The following MKLN1 variants were observed in gnomAD, a reference collection of about 807,000 sequenced individuals.
The protein encoded by MKLN1 is muskelin.
Under a neutral mutation model 99.0 loss-of-function variants are expected in MKLN1, and 18 were observed. The ratio of observed to expected loss-of-function variants is 0.18; its 90% CI spans 0.13 to 0.27. MKLN1 has a LOEUF of 0.27. Ranked by LOEUF, MKLN1 falls within the 10% of genes least tolerant of loss-of-function variation. MKLN1 has a pLI of 1.00. For synonymous variants in MKLN1, 288 were observed against 293.2 expected (o/e 0.98, Z 0.18); for missense variants, 621 against 875.9 (o/e 0.71, Z 3.67).
intron 8 of MKLN1, 24 bp from the exon 9 acceptor site, chr7:131,429,009 C>A: frequency 6.5e-7 from 1 of 1,549,060 alleles, no homozygotes; most frequent in Non-Finnish European, 8.9e-7. Flanking sequence ...TTTTTTTTTA[C>A]ACATATTTTT....
At chr7:131,356,714 A>G (rs1030710245) in intron 1 of MKLN1, among the ~76,000 whole-genome samples, 1 of 152,204 alleles carries the variant, frequency 6.6e-6, no homozygotes, top group Non-Finnish European at 1.5e-5. Flanking sequence ...TTGAAAGGAC[A>G]GTATTCTTCA....
At chr7:131,182,259 T>G (rs1001427762) in intron 2 of MKLN1, among the ~76,000 whole-genome samples, 6 of 152,210 alleles carry the variant, frequency 3.9e-5, no homozygotes, top group Non-Finnish European at 8.8e-5. Flanking sequence ...CACTGTATGA[T>G]TGAATTTGGG....
At chr7:131,473,898 C>T (rs893570413) in intron 16 of MKLN1, among the ~76,000 whole-genome samples, 1 of 152,182 alleles carries the variant, frequency 6.6e-6, no homozygotes. Context: ...CCTGTAATCC[C>T]CGCACTTCAG....
chr7:131,128,400 A>C (rs931720019), intron 1 of MKLN1, among the ~76,000 whole-genome samples: 1 of 152,122 alleles, frequency 6.6e-6, no homozygotes, highest in Non-Finnish European at 1.5e-5. Context: ...GCAAAAAAGC[A>C]ATGGTTTATG....
chr7:131,185,966 G>A (rs1796444511), intron 2 of MKLN1, among the ~76,000 whole-genome samples: 2 of 151,726 alleles, frequency 1.3e-5, no homozygotes, highest in Non-Finnish European at 2.9e-5. Context: ...GCTGAGGTGG[G>A]CAGATCATGA....
At chr7:131,128,483 A>G (rs1424316586) in intron 1 of MKLN1, among the ~76,000 whole-genome samples, 5 of 152,242 alleles carry the variant, frequency 3.3e-5, no homozygotes, top group African/African-American at 1.2e-4. Flanking sequence ...GTTTGAATCC[A>G]GCCTGGGCAA....
intron 3 of MKLN1, among the ~76,000 whole-genome samples, chr7:131,241,152 T>G (rs369524264): frequency 1.9e-4 from 28 of 149,520 alleles, no homozygotes; most frequent in African/African-American, 6.7e-4. Flanking sequence ...CAGAGGAGGG[T>G]GGATCACTTG....
At chr7:131,287,452 A>T (rs1287611577) in intron 3 of MKLN1, among the ~76,000 whole-genome samples, 1 of 152,118 alleles carries the variant, frequency 6.6e-6, no homozygotes, top group Non-Finnish European at 1.5e-5. Context: ...CACTCCTCTG[A>T]GGTCACATTG....
At chr7:131,212,535 T>G (rs1039551377) in intron 3 of MKLN1, among the ~76,000 whole-genome samples, 1 of 152,260 alleles carries the variant, frequency 6.6e-6, no homozygotes, top group African/African-American at 2.4e-5. Context: ...TTCTTGCAAA[T>G]GCAGTTCTTA....
intron 8 of MKLN1, among the ~76,000 whole-genome samples, chr7:131,425,768 T>C (rs563170831): frequency 2.0e-5 from 3 of 152,168 alleles, no homozygotes; most frequent in Non-Finnish European, 4.4e-5. Flanking sequence ...TGGGCTTCCA[T>C]AAACCAATCT....
At chr7:131,410,807 A>G (rs1794851761) in intron 6 of MKLN1, among the ~76,000 whole-genome samples, 1 of 152,216 alleles carries the variant, frequency 6.6e-6, no homozygotes. Context: ...TATGATAATG[A>G]TAGAAATGAT....
chr7:131,217,982 G>A (rs950524996), intron 3 of MKLN1, among the ~76,000 whole-genome samples: 22 of 152,172 alleles, frequency 1.4e-4, no homozygotes, highest in Non-Finnish European at 7.3e-5. Flanking sequence ...TCTCAAATCC[G>A]CCTCCCCAAG....
chr7:131,434,921 A>G (rs565553319), intron 9 of MKLN1, among the ~76,000 whole-genome samples: 34 of 152,332 alleles, frequency 2.2e-4, no homozygotes, highest in African/African-American at 7.9e-4. Flanking sequence ...AATGTTAAAT[A>G]TAAGTGGTGA....
chr7:131,478,803 A>C (rs778428495), intron 17 of MKLN1, 126 bp downstream of exon 17: 1 of 1,167,832 alleles, frequency 8.6e-7, no homozygotes, highest in South Asian at 1.3e-5. Flanking sequence ...TGAAGTTTCA[A>C]GGTATCATGC....
chr7:131,113,550 A>T (rs925872582), intron 1 of MKLN1, among the ~76,000 whole-genome samples: 3 of 151,956 alleles, frequency 2.0e-5, no homozygotes, highest in Admixed American at 6.6e-5. Flanking sequence ...AGCTGGGTGC[A>T]GTGGCACACT....
At position 131,338,002 on chromosome 7, in the gene MKLN1, T is replaced by C. The variant is rs138660653; in HGVS notation, c.98+10005T>C. Among the ~76,000 whole-genome samples, 985 of 152,224 alleles carry C rather than the reference T, an allele frequency of 6.5e-3. 8 individuals are homozygous for C. The highest frequency in any genetic ancestry group is 0.023 in the African/African-American group (955 of 41,536). On this transcript the variant is annotated intron_variant, in intron 1 of 17. Transcript: ENST00000352689. Reference sequence around the variant, plus strand: ...TGTCAAGGACTGAGCTGACTTGAGGTTGGGTTTTCAGCCTTATAAACCTTG... The same window carrying C: ...TGTCAAGGACTGAGCTGACTTGAGGCTGGGTTTTCAGCCTTATAAACCTTG...
intron 3 of MKLN1, chr7:131,285,149 T>A (rs534998958): frequency 6.6e-6 from 1 of 151,888 alleles, no homozygotes; most frequent in African/African-American, 2.4e-5. Flanking sequence ...GTCCTAAGAG[T>A]TTTTTCTCCT....
At chr7:131,356,439 T>TC (rs769153110) in intron 1 of MKLN1, among the ~76,000 whole-genome samples, 20 of 151,016 alleles carry the variant, frequency 1.3e-4, no homozygotes, top group South Asian at 8.4e-4. Context: ...CTGTAACATT[T>TC]CCCCCCCCAA....
chr7:131,217,569 G>A (rs1797001670), intron 3 of MKLN1, among the ~76,000 whole-genome samples: 1 of 152,168 alleles, frequency 6.6e-6, no homozygotes, highest in Non-Finnish European at 1.5e-5. Context: ...GTGGTTGTGG[G>A]CACCTGTAAT....
Sources: allele counts gnomAD v4.1 joint callset (sites outside exome capture counted in the v4.1 genomes callset), GRCh38; gene constraint gnomAD v4.1.1; transcripts MANE v1.5; gene names NCBI Gene and HGNC (gene_info 2026-07-23, HGNC 2026-07-21).